Variants in ITK observed in about 807,000 individuals in gnomAD.
The protein encoded by ITK is tyrosine-protein kinase ITK/TSK.
A neutral mutation model predicts 87.6 loss-of-function variants in ITK; 45 were observed. The observed-to-expected ratio is 0.51, with a 90% CI of 0.40 to 0.66. ITK has a LOEUF of 0.66. Among genes scored for constraint, ITK ranks in the 30% least tolerant of loss-of-function variants. ITK has a pLI of 0.00. For synonymous variants in ITK, 303 were observed against 273.6 expected, an observed-to-expected ratio of 1.11 and a Z score of -1.06; for missense variants, 605 against 766.3, an observed-to-expected ratio of 0.79 and a Z score of 2.48.
At chr5:157,213,113 G>T (rs1046501099) in intron 3 of ITK, among the ~76,000 whole-genome samples, 2 of 152,148 alleles carry the variant, frequency 1.3e-5, no homozygotes, top group Admixed American at 1.3e-4. Context: ...GTTCTGTATG[G>T]CTGGGAGGCC....
chr5:157,183,095 T>C (rs575968255), intron 1 of ITK, among the ~76,000 whole-genome samples: 1 of 152,216 alleles, frequency 6.6e-6, no homozygotes, highest in East Asian at 1.9e-4. Flanking sequence ...TTTTTACTCT[T>C]ATAAATAACA....
chr5:157,209,011 G>C lies in ITK; in HGVS notation c.243+18G>C, dbSNP rs1401805853. 1 of 1,507,280 alleles carries C rather than the reference G, an allele frequency of 6.6e-7. No homozygotes were observed. Among genetic ancestry groups the C allele is most frequent in the Non-Finnish European group, 9.2e-7 (1 of 1,082,686 alleles). The allele number at this position is 1,507,280 out of a possible 1,614,324, so 93.4% of individuals were successfully genotyped here. ...CGTTTCAGGTAAGTCCATCAGGTGG[G>C]TAGTTCCCCATTCCCTGGACTGTGG... On this transcript the variant is annotated intron_variant, in intron 2 of 16. Coordinates refer to ENST00000422843, the MANE Select transcript of ITK (RefSeq NM_005546.4).
chr5:157,214,182 C>T lies in ITK; in HGVS notation c.326-9C>T, dbSNP rs372285130. 17 of 1,611,016 alleles carry T rather than the reference C, an allele frequency of 1.1e-5. No homozygotes were observed. Among genetic ancestry groups the T allele is most frequent in the Non-Finnish European group, 1.4e-5 (17 of 1,177,356 alleles). On this transcript the variant is annotated splice_polypyrimidine_tract_variant and intron_variant, in intron 3 of 16. Coordinates refer to ENST00000422843, the MANE Select transcript of ITK (RefSeq NM_005546.4). Reference sequence around the variant, plus strand: ...AAATAACTCTTCTGTTGGTGCCAACCTGTTTCAGAAACGAGGAATAATAAC... The same window carrying T: ...AAATAACTCTTCTGTTGGTGCCAACTTGTTTCAGAAACGAGGAATAATAAC...
intron 7 of ITK, 150 bp downstream of exon 7, chr5:157,228,511 A>T: frequency 4.7e-6 from 3 of 637,494 alleles, no homozygotes; most frequent in South Asian, 1.8e-5. Flanking sequence ...ATACCTAAAT[A>T]AGGCTTTCCA....
chr5:157,207,374 T>C (rs1754100707), intron 1 of ITK, among the ~76,000 whole-genome samples: 1 of 129,338 alleles, frequency 7.7e-6, no homozygotes, highest in Admixed American at 8.6e-5. Flanking sequence ...TCTAGATACG[T>C]CTCTTTTTTT....
intron 7 of ITK, among the ~76,000 whole-genome samples, chr5:157,231,092 T>C (rs1217929235): frequency 6.6e-6 from 1 of 152,216 alleles, no homozygotes; most frequent in Non-Finnish European, 1.5e-5. Flanking sequence ...TACTTAAAAA[T>C]GTACCACCTG....
chr5:157,252,661 G>A lies in ITK; in HGVS notation c.1846G>A (p.Ala616Thr). ...ACTGCTGCGTCAACTGGCTGAAATT[G>A]CAGAATCAGGACTTTAGTAGAGACT... Reference protein sequence around the residue: ...SRLLRQLAEIAESGL With the variant: ...SRLLRQLAEITESGL Residue 616 changes from alanine to threonine, a missense_variant, in exon 17 of 17, where the codon GCA (alanine) becomes ACA (threonine). By Grantham distance (58) the Ala-to-Thr change is moderately conservative. Around this residue, in one of 3 missense-constraint regions of ITK, gnomAD observed 71 missense variants for 65.8 expected, o/e 1.08. Coordinates refer to ENST00000422843, the MANE Select transcript of ITK (RefSeq NM_005546.4). The A allele has an allele frequency of 6.2e-7, 1 of 1,613,720 alleles. No homozygotes were observed. Among genetic ancestry groups the A allele is most frequent in the Non-Finnish European group, 8.5e-7 (1 of 1,179,574 alleles).
chr5:157,241,312 A>C lies in ITK; in HGVS notation c.986-334A>C, dbSNP rs1448574697. On this transcript the variant is annotated intron_variant, in intron 10 of 16. Transcript: ENST00000422843. ...TATCAGCACCCACACAGGAGACTTA[A>C]TGAAAACTGGCAAAAGCTCGCCCTG... 1.7e-5 allele frequency: 3 copies of C among 173,186 alleles called. No individual in the cohort carries two copies. In the Admixed American group the frequency reaches 1.8e-4, roughly 10 times the overall value. The allele number at this position is 173,186 out of a possible 1,614,324, so 10.7% of individuals were successfully genotyped here.
At chr5:157,221,775 G>A (rs1196670311) in intron 5 of ITK, among the ~76,000 whole-genome samples, 1 of 152,034 alleles carries the variant, frequency 6.6e-6, no homozygotes, top group Admixed American at 6.6e-5. Context: ...AGCTCTTAGA[G>A]CAAAAGCCTC....
chr5:157,198,621 G>T (rs1355110808), intron 1 of ITK, among the ~76,000 whole-genome samples: 1 of 152,198 alleles, frequency 6.6e-6, no homozygotes, highest in Non-Finnish European at 1.5e-5. Flanking sequence ...GACTTTCCCA[G>T]AGCTTTAGAA....
chr5:157,242,206 G>T (rs1754922299), intron 11 of ITK, among the ~76,000 whole-genome samples: 1 of 152,146 alleles, frequency 6.6e-6, no homozygotes. Flanking sequence ...CTCCAGTGCC[G>T]CAGCCCCTAC....
intron 13 of ITK, chr5:157,245,400 T>C (rs951083889): frequency 3.1e-5 from 14 of 445,156 alleles, no homozygotes; most frequent in African/African-American, 2.6e-4. Context: ...AGATGCTTTC[T>C]TCCTGTTATC....
At chr5:157,242,734 C>T (rs901180031) in intron 11 of ITK, among the ~76,000 whole-genome samples, 1 of 152,338 alleles carries the variant, frequency 6.6e-6, no homozygotes, top group Non-Finnish European at 1.5e-5. Context: ...GTTGGGATTA[C>T]AGGCATGAGC....
At chr5:157,230,880 A>C (rs1455590802) in intron 7 of ITK, among the ~76,000 whole-genome samples, 1 of 152,232 alleles carries the variant, frequency 6.6e-6, no homozygotes, top group Non-Finnish European at 1.5e-5. Context: ...AAAACACTAT[A>C]CCATGCAAAC....
chr5:157,201,181 G>C (rs1213250076), intron 1 of ITK, among the ~76,000 whole-genome samples: 1 of 150,008 alleles, frequency 6.7e-6, no homozygotes, highest in Non-Finnish European at 1.5e-5. Flanking sequence ...TACACTAATA[G>C]AAAAAAAATT....
Position 157,246,063 on chromosome 5 carries a change from C to G in ITK, c.1633+64C>G. 2.8e-6 allele frequency: 3 copies of G among 1,079,280 alleles called. No homozygotes were observed. In the South Asian group the frequency reaches 3.7e-5, roughly 13 times the overall value. 66.9% of individuals were successfully genotyped at this position (1,079,280 alleles called of 1,614,324 possible). A position where few individuals can be genotyped will look rare whatever the true frequency, so the allele number is the denominator to read the frequency against. On this transcript the variant is annotated intron_variant, in intron 15 of 16. Transcript: ENST00000422843. ...GCTTCAGGCCAGCTGTTTCCTTTAT[C>G]AAATGCAGACAACCCTACCCACACT...
chr5:157,228,458 C>G lies in ITK; in HGVS notation c.713+97C>G, dbSNP rs1754581158. On this transcript the variant is annotated intron_variant, in intron 7 of 16. Coordinates refer to ENST00000422843, the MANE Select transcript of ITK (RefSeq NM_005546.4). ...GTTGACTGTAAAAATACCAGATGAT[C>G]CCTACTGCAACAGCAATGTTCACAC... is the stretch of plus-strand genomic sequence containing the variant. The G allele has an allele frequency of 5.3e-6, 4 of 756,602 alleles. No individual in the cohort carries two copies. The Admixed American group carries it at 7.8e-5, about 15-fold the overall frequency. The allele number at this position is 756,602 out of a possible 1,614,324, so 46.9% of individuals were successfully genotyped here.
intron 1 of ITK, among the ~76,000 whole-genome samples, chr5:157,204,460 G>T (rs1456379771): frequency 6.6e-6 from 1 of 152,188 alleles, no homozygotes; most frequent in African/African-American, 2.4e-5. Flanking sequence ...AGCACTTTGG[G>T]AGGTTGAGGT....
At position 157,208,984 on chromosome 5, in the gene ITK, C is replaced by A; in HGVS notation, c.234C>A (p.Tyr78Ter). Residue 78 changes from tyrosine (Y) to a stop codon, truncating the protein, a stop_gained, in exon 2 of 17, where the codon TAC (tyrosine) becomes TAA (stop). Transcript: ENST00000422843. LOFTEE classifies it high-confidence loss of function. ...SDISIPCHYK[Y>*]PFQVVHDNYL... The stretch of plus-strand genomic sequence containing the variant: ...TCAGCATCCCATGCCACTATAAATA[C>A]CCGTTTCAGGTAAGTCCATCAGGTG... 6.2e-7 allele frequency: 1 copy of A among 1,609,822 alleles called. No individual in the cohort carries two copies. The highest frequency in any genetic ancestry group is 8.5e-7 in the Non-Finnish European group (1 of 1,176,128).
Sources: gnomAD v4.1 joint callset for allele counts (sites outside exome capture counted in the v4.1 genomes callset) on GRCh38, gnomAD v4.1.1 for gene constraint, gnomAD v4.1.1 regional missense constraint, MANE v1.5 for transcripts, NCBI Gene and HGNC (gene_info 2026-07-23, HGNC 2026-07-21) for gene names.